Variants in HERC2 observed in about 807,000 individuals in gnomAD.
HERC2 encodes E3 ubiquitin-protein ligase HERC2.
HERC2 carries 102 observed loss-of-function variants against 537.7 expected under a neutral mutation model. The ratio of observed to expected loss-of-function variants is 0.19; its 90% confidence interval spans 0.16 to 0.22. The LOEUF (loss-of-function observed/expected upper bound fraction) is 0.22, where lower values mean the gene tolerates loss of function less well. Among genes scored for constraint, HERC2 ranks in the 10% least tolerant of loss-of-function variants. HERC2 has a pLI of 1.00. For synonymous variants in HERC2, 2,224 were observed against 2,466.2 expected (o/e 0.90, Z 2.91); for missense variants, 4,236 against 6,198.2 (o/e 0.68, Z 10.63).
chr15:28,199,211 G>A (rs908790521), intron 48 of HERC2, among the ~76,000 whole-genome samples: 1 of 152,162 alleles, frequency 6.6e-6, no homozygotes, highest in Non-Finnish European at 1.5e-5. Context: ...ATGATAAAGG[G>A]AAGAGAAACT....
Position 28,284,268 on chromosome 15 carries a change from A to G in HERC2, c.323-3981T>C, listed in dbSNP as rs147194008. 3.6e-3 allele frequency among the ~76,000 whole-genome samples: 542 copies of G among 152,344 alleles called. 6 individuals carry two copies. Among genetic ancestry groups the G allele is most frequent in the African/African-American group, 0.012 (516 of 41,584 alleles). ...ACAAAAAGATACACTCTAAAACACT[A>G]CAGATAAAATAGAATGCTAAAAATG... On this transcript the variant is annotated intron_variant, in intron 4 of 92. Coordinates refer to ENST00000261609, the MANE Select transcript of HERC2 (RefSeq NM_004667.6).
At position 28,272,341 on chromosome 15, in the gene HERC2, G is replaced by A. The variant is rs768421484; in HGVS notation, c.957C>T (p.Ser319=). The A allele has an allele frequency of 1.9e-5, 31 of 1,611,826 alleles. No individual in the cohort carries two copies. The highest frequency in any genetic ancestry group is 1.6e-4 in the Middle Eastern group (1 of 6,072). The change falls in exon 9 of 93, where the codon AGC becomes AGT. Residue 319 remains serine (S), a synonymous_variant. Transcript: ENST00000261609. ...GCTCATTGTCAGTCTCCTGTGCCCC[G>A]CTGTCCCACAGCTGAAGCAACAACA... ...AILLLLQLWD[S]GAQETDNERS...
At chr15:28,290,839 G>C (rs1269885158) in intron 4 of HERC2, among the ~76,000 whole-genome samples, 2 of 152,166 alleles carry the variant, frequency 1.3e-5, no homozygotes, top group Non-Finnish European at 2.9e-5. Context: ...TTATATTATA[G>C]TTTTGAACAC....
At chr15:28,148,654 A>C (rs1360208296) in intron 70 of HERC2, among the ~76,000 whole-genome samples, 1 of 152,024 alleles carries the variant, frequency 6.6e-6, no homozygotes, top group African/African-American at 2.4e-5. Flanking sequence ...CGGCCACACG[A>C]ACGCACATTC....
In HERC2 at chr15:28,218,505, T is replaced by G; in HGVS notation, c.6012A>C (p.Gly2004=). ...ATTCCATACATGTCTTGTCCGTCGT[T>G]CCGCTTTCCACTAACATTCGCAGCA... ...CGLLRMLVES[G]TTDKTSSPNR... Residue 2004 remains glycine (G), a synonymous_variant, in exon 38 of 93, where the codon GGA becomes GGC. Transcript: ENST00000261609. 6.3e-7 allele frequency: 1 copy of G among 1,595,804 alleles called. No homozygotes were observed. The highest frequency in any genetic ancestry group is 8.5e-7 in the Non-Finnish European group (1 of 1,179,694).
Position 28,146,257 on chromosome 15 carries a change from C to T in HERC2, c.10988G>A (p.Arg3663Lys). The T allele has an allele frequency of 1.2e-6, 2 of 1,613,956 alleles. No individual in the cohort carries two copies. Among genetic ancestry groups the T allele is most frequent in the Non-Finnish European group, 1.7e-6 (2 of 1,179,908 alleles). ...DPLTVMDGVNRIVSVRSGREW... is the reference protein window; with the variant it reads ...DPLTVMDGVNKIVSVRSGREW... ...CTTACCTGACCGCACGGAGACGATC[C>T]TGTTGACGCCGTCCATGACTGTGAG... The change falls in exon 71 of 93, where the codon AGG (arginine) becomes AAG (lysine). Residue 3663 changes from arginine to lysine, a missense_variant. Physicochemically the swap from Arg to Lys is conservative, Grantham distance 26. Around this residue, in one of 27 missense-constraint regions of HERC2, gnomAD observed 356 missense variants for 450.9 expected, o/e 0.79. Coordinates refer to ENST00000261609, the MANE Select transcript of HERC2 (RefSeq NM_004667.6).
chr15:28,306,587 A>G (rs755142777), intron 2 of HERC2, among the ~76,000 whole-genome samples: 4 of 152,202 alleles, frequency 2.6e-5, no homozygotes, highest in South Asian at 2.1e-4. Flanking sequence ...GCCTTCTACA[A>G]TAAGTTTGGA....
In HERC2 at chr15:28,192,008, T is replaced by C; in HGVS notation, c.8404A>G (p.Ile2802Val). Residue 2802 changes from isoleucine (I) to valine (V), a missense_variant, in exon 53 of 93, where the codon ATT becomes GTT. Ile to Val is a conservative substitution (Grantham distance 29). Coordinates refer to ENST00000261609, the MANE Select transcript of HERC2 (RefSeq NM_004667.6). ...TGCCAGCAGGGCTCGCTGCCGTCAATGAGACGGGATGCCTGGTTCACGGAG... is the reference window on the plus strand; with the variant it reads ...TGCCAGCAGGGCTCGCTGCCGTCAACGAGACGGGATGCCTGGTTCACGGAG... ...SSSVNQASRL[I>V]DGSEPCWQSS... 1 of 1,613,744 alleles carries C rather than the reference T, an allele frequency of 6.2e-7. No homozygotes were observed. Among genetic ancestry groups the C allele is most frequent in the Non-Finnish European group, 8.5e-7 (1 of 1,179,830 alleles).
intron 78 of HERC2, among the ~76,000 whole-genome samples, chr15:28,138,490 T>C (rs560701414): frequency 6.6e-6 from 1 of 152,296 alleles, no homozygotes; most frequent in African/African-American, 2.4e-5. Context: ...CCACTCTGAC[T>C]GTGCTCCAGA....
chr15:28,262,063 CCT>C (rs1199081758), intron 15 of HERC2, among the ~76,000 whole-genome samples: 3 of 152,184 alleles, frequency 2.0e-5, no homozygotes, highest in African/African-American at 7.2e-5. Flanking sequence ...GCTGCCCACC[CCT>C]GAGAGAAGAG....
intron 12 of HERC2, among the ~76,000 whole-genome samples, chr15:28,266,811 G>A (rs1438953955): frequency 1.3e-5 from 2 of 152,306 alleles, no homozygotes; most frequent in East Asian, 1.9e-4. Flanking sequence ...CCCTGGAAGC[G>A]ATGGGAGCGC....
At chr15:28,225,727 A>T (rs1283002381) in intron 35 of HERC2, among the ~76,000 whole-genome samples, 5 of 151,654 alleles carry the variant, frequency 3.3e-5, no homozygotes, top group Non-Finnish European at 7.4e-5. Flanking sequence ...AAAGAAAAAA[A>T]AGAAGATGCA....
chr15:28,260,628 C>T (rs919123121), intron 16 of HERC2, 149 bp downstream of exon 16: 1 of 644,692 alleles, frequency 1.6e-6, no homozygotes, highest in African/African-American at 1.8e-5. Context: ...CCCAAGGAAA[C>T]TACAGTGAAG....
chr15:28,274,530 GCCACTGTCACCTTT>G, intron 6 of HERC2, 83 bp from the exon 7 acceptor site: 2 of 1,422,042 alleles, frequency 1.4e-6, no homozygotes, highest in Non-Finnish European at 1.9e-6. Context: ...GAGAGATGAC[GCCACTGTCACCTTT>G]CCAATCCCTC....
chr15:28,188,614 T>A (rs1896544314), intron 55 of HERC2, among the ~76,000 whole-genome samples: 2 of 151,552 alleles, frequency 1.3e-5, no homozygotes, highest in Admixed American at 6.6e-5. Context: ...TTAAGCCCTG[T>A]CAGAGATGAA....
intron 78 of HERC2, among the ~76,000 whole-genome samples, chr15:28,140,038 A>C (rs576897504): frequency 5.5e-4 from 84 of 151,956 alleles, no homozygotes; most frequent in South Asian, 3.5e-3. Context: ...ACTGCACTCC[A>C]GCCTGGGCGA....
chr15:28,281,949 C>T (rs2076030024), intron 4 of HERC2, among the ~76,000 whole-genome samples: 1 of 152,156 alleles, frequency 6.6e-6, no homozygotes, highest in African/African-American at 2.4e-5. Context: ...GAGGGCAGCT[C>T]TGCCCTTGAG....
rs114073425 is a variant in HERC2, at chr15:28,281,616, C to A, written c.323-1329G>T. On this transcript the variant is annotated intron_variant, in intron 4 of 92. Transcript: ENST00000261609. The stretch of plus-strand genomic sequence containing the variant: ...CATCTCACCACTCCCTGGAAAGGCA[C>A]AGGGTGGCGCACACTGTGCCCAGCA... Among the ~76,000 whole-genome samples, 391 of 152,336 alleles carry A rather than the reference C, an allele frequency of 2.6e-3. 4 individuals are homozygous for A. The highest frequency in any genetic ancestry group is 8.8e-3 in the African/African-American group (364 of 41,584).
At chr15:28,142,446 G>A in intron 75 of HERC2, 53 bp from the exon 76 acceptor site, 1 of 1,565,084 alleles carries the variant, frequency 6.4e-7, no homozygotes, top group Non-Finnish European at 8.7e-7. Flanking sequence ...GCAGTGAACA[G>A]GCCAAGGTTT....
Sources: allele counts gnomAD v4.1 joint callset (sites outside exome capture counted in the v4.1 genomes callset), GRCh38; gene constraint gnomAD v4.1.1; regional missense constraint gnomAD v4.1.1; transcripts MANE v1.5; gene names NCBI Gene and HGNC (gene_info 2026-07-23, HGNC 2026-07-21).